CNTLN: variants seen among roughly 807,000 people sequenced by gnomAD.
CNTLN encodes centlein, centrosomal protein.
A neutral mutation model predicts 180.0 loss-of-function variants in CNTLN; 212 were observed. The ratio of observed to expected loss-of-function variants is 1.18; its 90% CI spans 1.05 to 1.32. The LOEUF is 1.32. CNTLN is among the 40% of genes most tolerant of loss of function. The pLI is 0.00. For missense variants in CNTLN, 2,095 were observed against 1,610.9 expected (o/e 1.30, Z -5.14); for synonymous variants, 722 against 563.1 (o/e 1.28, Z -3.99).
At chr9:17,324,647 T>A (rs7031361) in intron 8 of CNTLN, among the ~76,000 whole-genome samples, 130,700 of 152,102 alleles carry the variant, frequency 0.86, 56,839 homozygotes, top group Non-Finnish European at 0.92. Context: ...TGTATGTATA[T>A]ACCCATAATT....
intron 18 of CNTLN, among the ~76,000 whole-genome samples, chr9:17,433,767 G>A (rs1224754118): frequency 6.6e-6 from 1 of 152,080 alleles, no homozygotes; most frequent in African/African-American, 2.4e-5. Context: ...TTTTTGTAGA[G>A]ATGGGATCTC....
At chr9:17,492,616 TA>T (rs1163736992) in intron 25 of CNTLN, among the ~76,000 whole-genome samples, 13 of 152,312 alleles carry the variant, frequency 8.5e-5, no homozygotes, top group African/African-American at 2.9e-4. Flanking sequence ...GAGAAAATTG[TA>T]CACTTGTATG....
At chr9:17,325,729 T>G (rs1400639613) in intron 8 of CNTLN, among the ~76,000 whole-genome samples, 2 of 152,014 alleles carry the variant, frequency 1.3e-5, no homozygotes, top group East Asian at 3.9e-4. Flanking sequence ...CGTAAATTTC[T>G]TAAAACAAGT....
chr9:17,358,301 G>C (rs1015663441), intron 12 of CNTLN, among the ~76,000 whole-genome samples: 8 of 151,960 alleles, frequency 5.3e-5, no homozygotes, highest in Non-Finnish European at 1.2e-4. Context: ...GCATAAACTA[G>C]ATCTAAACTT....
chr9:17,255,012 A>T (rs907520979), intron 5 of CNTLN, among the ~76,000 whole-genome samples: 3 of 151,526 alleles, frequency 2.0e-5, no homozygotes, highest in African/African-American at 7.3e-5. Flanking sequence ...CCTTGGCTAG[A>T]TTTATTTCTA....
At chr9:17,497,045 A>T (rs1211109834) in intron 25 of CNTLN, among the ~76,000 whole-genome samples, 1 of 152,180 alleles carries the variant, frequency 6.6e-6, no homozygotes, top group African/African-American at 2.4e-5. Flanking sequence ...CCAATGTCCA[A>T]ACAATTCATA....
At chr9:17,242,440 T>G (rs2132206802) in intron 5 of CNTLN, among the ~76,000 whole-genome samples, 1 of 152,252 alleles carries the variant, frequency 6.6e-6, no homozygotes, top group South Asian at 2.1e-4. Flanking sequence ...CCTGAGTAAC[T>G]GGGATCACAG....
At chr9:17,405,066 A>G (rs1827272799) in intron 15 of CNTLN, among the ~76,000 whole-genome samples, 1 of 151,718 alleles carries the variant, frequency 6.6e-6, no homozygotes. Context: ...GGTCACTACC[A>G]CTTTGCCAAA....
chr9:17,308,006 ACACACACAC>A (rs1818848824), intron 7 of CNTLN, among the ~76,000 whole-genome samples: 1 of 151,500 alleles, frequency 6.6e-6, no homozygotes, highest in East Asian at 1.9e-4. Context: ...ACACACACAC[ACACACACAC>A]ACATTTTCGT....
In CNTLN at chr9:17,298,188, A is replaced by G. The variant is rs1183675915; in HGVS notation, c.984-2A>G. On this transcript the variant is annotated splice_acceptor_variant, in intron 6 of 25. Transcript: ENST00000380647. LOFTEE classifies it high-confidence loss of function. ...TCTCTATTTATTGCTTGCTTTGCAC[A>G]GGAAGGAACTGCAGGAGCTGCAGAA... 2 of 1,471,896 alleles carry G rather than the reference A, an allele frequency of 1.4e-6. No homozygotes were observed. Among genetic ancestry groups the G allele is most frequent in the South Asian group, 1.5e-5 (1 of 65,236 alleles). The allele number at this position is 1,471,896 out of a possible 1,614,324, so 91.2% of individuals were successfully genotyped here.
At chr9:17,156,339 C>T (rs1214960276) in intron 2 of CNTLN, among the ~76,000 whole-genome samples, 1 of 152,108 alleles carries the variant, frequency 6.6e-6, no homozygotes. Flanking sequence ...GCTTTGAATT[C>T]TATAATTATT....
At chr9:17,287,254 C>A (rs372332155) in intron 6 of CNTLN, among the ~76,000 whole-genome samples, 12 of 151,744 alleles carry the variant, frequency 7.9e-5, no homozygotes, top group African/African-American at 1.2e-4. Context: ...TTCTGCATCT[C>A]TTGAGATAAT....
chr9:17,335,105 C>T (rs1482160683), intron 10 of CNTLN, among the ~76,000 whole-genome samples: 2 of 152,112 alleles, frequency 1.3e-5, no homozygotes, highest in Non-Finnish European at 2.9e-5. Context: ...ATCTTTCTTA[C>T]TCAGCTTTTA....
intron 15 of CNTLN, among the ~76,000 whole-genome samples, chr9:17,406,916 T>G (rs929814204): frequency 4.0e-5 from 6 of 151,394 alleles, no homozygotes; most frequent in Non-Finnish European, 8.8e-5. Flanking sequence ...GTTTTGAGAG[T>G]GTCTTATTGT....
intron 2 of CNTLN, among the ~76,000 whole-genome samples, chr9:17,179,195 G>A (rs1354132491): frequency 2.4e-4 from 33 of 137,458 alleles, no homozygotes; most frequent in South Asian, 1.4e-3. Context: ...AGTGAGCCGA[G>A]ATCCCGCCAC....
intron 5 of CNTLN, among the ~76,000 whole-genome samples, chr9:17,265,814 G>C (rs188056208): frequency 6.6e-6 from 1 of 152,100 alleles, no homozygotes; most frequent in African/African-American, 2.4e-5. Flanking sequence ...ACATTTTCTG[G>C]TTTATTTGCT....
At chr9:17,273,944 C>T in intron 6 of CNTLN, 78 bp downstream of exon 6, 1 of 1,042,576 alleles carries the variant, frequency 9.6e-7, no homozygotes, top group South Asian at 1.7e-5. Flanking sequence ...ATACTTATTA[C>T]TAACACCCTA....
intron 25 of CNTLN, 90 bp from the exon 26 acceptor site, chr9:17,502,461 C>G (rs1274404535): frequency 3.2e-6 from 2 of 618,508 alleles, no homozygotes; most frequent in Non-Finnish European, 5.4e-6. Flanking sequence ...TTGCAGACAT[C>G]TAACTTCTAA....
chr9:17,283,718 A>C (rs1419325065), intron 6 of CNTLN, among the ~76,000 whole-genome samples: 2 of 152,120 alleles, frequency 1.3e-5, no homozygotes, highest in Non-Finnish European at 2.9e-5. Context: ...ATTCAGTATG[A>C]TATTGGCTGT....
Sources: allele counts gnomAD v4.1 joint callset (sites outside exome capture counted in the v4.1 genomes callset), GRCh38; gene constraint gnomAD v4.1.1; transcripts MANE v1.5; gene names NCBI Gene and HGNC (gene_info 2026-07-23, HGNC 2026-07-21).